CREB5: variants seen among roughly 807,000 people sequenced by gnomAD.
The protein encoded by CREB5 is cAMP responsive element binding protein 5, also known as cyclic AMP-responsive element-binding protein 5.
A neutral mutation model predicts 57.1 loss-of-function variants in CREB5; 19 were observed. The ratio of observed to expected loss-of-function variants is 0.33; its 90% confidence interval spans 0.23 to 0.49. The LOEUF (loss-of-function observed/expected upper bound fraction) is 0.49. Among genes scored for constraint, CREB5 ranks in the 20% least tolerant of loss-of-function variants. The pLI is 0.99. For synonymous variants in CREB5, 238 were observed against 238.3 expected (o/e 1.00, Z 0.01); for missense variants, 579 against 671.6 (o/e 0.86, Z 1.52).
chr7:28,356,221 C>T (rs1312840381), intron 1 of CREB5, among the ~76,000 whole-genome samples: 1 of 152,170 alleles, frequency 6.6e-6, no homozygotes, highest in Non-Finnish European at 1.5e-5. Context: ...TTCTACTCTC[C>T]GACAAAGTGA....
At position 28,769,775 on chromosome 7, in the gene CREB5, C is replaced by G. The variant is rs573109161; in HGVS notation, c.703-34424C>G. ...ACAGCCATTTTTTATTTCAATAGGA[C>G]AATCCAGGAAGCTGGAAATCGAGAT... On this transcript the variant is annotated intron_variant, in intron 7 of 10. Coordinates refer to ENST00000357727, the MANE Select transcript of CREB5 (RefSeq NM_182898.4). Among the ~76,000 whole-genome samples, 4 of 152,226 alleles carry G rather than the reference C, an allele frequency of 2.6e-5. No individual in the cohort carries two copies. The East Asian group carries it at 7.7e-4, about 29-fold the overall frequency.
chr7:28,413,013 A>C, intron 1 of CREB5, 96 bp downstream of exon 1: 3 of 1,180,850 alleles, frequency 2.5e-6, no homozygotes, highest in Non-Finnish European at 3.4e-6. Flanking sequence ...GGAATTCAGA[A>C]ATGGAGTTTA....
intron 7 of CREB5, among the ~76,000 whole-genome samples, chr7:28,768,134 G>A (rs1191362747): frequency 6.6e-6 from 1 of 152,160 alleles, no homozygotes; most frequent in African/African-American, 2.4e-5. Flanking sequence ...AGTTGGGGTG[G>A]GGAGGCAGAG....
At chr7:28,818,839 A>G (rs10951205) in intron 10 of CREB5, 453,044 of 542,608 alleles carry the variant, frequency 0.83, 192,427 homozygotes, top group African/African-American at 0.95. Context: ...AAAAAGACAA[A>G]ATGGGGAAGT....
At chr7:28,536,126 C>T (rs537571216) in intron 4 of CREB5, among the ~76,000 whole-genome samples, 262 of 152,256 alleles carry the variant, frequency 1.7e-3, no homozygotes, top group African/African-American at 6.1e-3. Context: ...ACGCTGTCTG[C>T]CTATGTCTGC....
At chr7:28,317,204 A>G (rs1017192243) in intron 1 of CREB5, among the ~76,000 whole-genome samples, 1 of 152,098 alleles carries the variant, frequency 6.6e-6, no homozygotes, top group Non-Finnish European at 1.5e-5. Context: ...GTAAACTGAC[A>G]TCTCACACAG....
chr7:28,591,415 G>A (rs1382404991), intron 5 of CREB5, among the ~76,000 whole-genome samples: 1 of 152,072 alleles, frequency 6.6e-6, no homozygotes, highest in East Asian at 1.9e-4. Flanking sequence ...GTGTTTTATG[G>A]TGGTTTGCTT....
chr7:28,452,340 AATC>A (rs1207972019), intron 1 of CREB5, among the ~76,000 whole-genome samples: 1 of 152,200 alleles, frequency 6.6e-6, no homozygotes. Context: ...TTTTATAGTA[AATC>A]ATTACAATTT....
At chr7:28,560,909 C>CGCGCGCGTGT (rs1562797737) in intron 4 of CREB5, among the ~76,000 whole-genome samples, 1 of 32,656 alleles carries the variant, frequency 3.1e-5, no homozygotes, top group Non-Finnish European at 5.6e-5. Flanking sequence ...TGCGCGCGTG[C>CGCGCGCGTGT]GTGTGCGTGT....
chr7:28,726,460 T>C (rs1803343332), intron 7 of CREB5, among the ~76,000 whole-genome samples: 1 of 152,140 alleles, frequency 6.6e-6, no homozygotes, highest in Non-Finnish European at 1.5e-5. Flanking sequence ...ATACTAACCA[T>C]ATAGTATTTT....
chr7:28,757,904 G>A (rs1805427152), intron 7 of CREB5, among the ~76,000 whole-genome samples: 1 of 152,120 alleles, frequency 6.6e-6, no homozygotes, highest in African/African-American at 2.4e-5. Context: ...TGCTCAAAAT[G>A]TTTCAGATGT....
At chr7:28,558,952 C>T (rs908139427) in intron 4 of CREB5, among the ~76,000 whole-genome samples, 7 of 152,092 alleles carry the variant, frequency 4.6e-5, no homozygotes, top group Non-Finnish European at 7.4e-5. Context: ...CCTCTTGCAC[C>T]GCCAGACTAG....
At chr7:28,760,946 A>C (rs1177104340) in intron 7 of CREB5, among the ~76,000 whole-genome samples, 2 of 152,218 alleles carry the variant, frequency 1.3e-5, no homozygotes, top group African/African-American at 2.4e-5. Context: ...AATATTTCCA[A>C]GTAGTAGGAG....
At chr7:28,812,977 G>T (rs913149257) in intron 9 of CREB5, among the ~76,000 whole-genome samples, 1 of 152,128 alleles carries the variant, frequency 6.6e-6, no homozygotes, top group African/African-American at 2.4e-5. Flanking sequence ...GGAAAAACCA[G>T]ACCTAAGAAA....
intron 1 of CREB5, among the ~76,000 whole-genome samples, chr7:28,415,212 G>A (rs979277557): frequency 6.6e-5 from 10 of 152,094 alleles, no homozygotes; most frequent in Non-Finnish European, 1.3e-4. Flanking sequence ...AGATTCTGAT[G>A]GTGAGTTACA....
At chr7:28,691,754 A>G (rs1205655781) in intron 5 of CREB5, among the ~76,000 whole-genome samples, 1 of 152,160 alleles carries the variant, frequency 6.6e-6, no homozygotes, top group East Asian at 1.9e-4. Flanking sequence ...TTTACTTAGT[A>G]AGCATTGGTC....
At chr7:28,332,342 C>A (rs917329249) in intron 1 of CREB5, among the ~76,000 whole-genome samples, 3 of 152,200 alleles carry the variant, frequency 2.0e-5, no homozygotes, top group Non-Finnish European at 4.4e-5. Context: ...TTTGTTATGG[C>A]AGCTTTAGGA....
At chr7:28,570,695 G>A (rs1281850257) in intron 5 of CREB5, among the ~76,000 whole-genome samples, 158 bp downstream of exon 5, 1 of 152,154 alleles carries the variant, frequency 6.6e-6, no homozygotes, top group Non-Finnish European at 1.5e-5. Flanking sequence ...GAAGGGAGGA[G>A]TCTCTGCTTG....
Position 28,622,593 on chromosome 7 carries a change from C to A in CREB5, c.464+52056C>A, listed in dbSNP as rs546297679. Among the ~76,000 whole-genome samples, 12 of 152,264 alleles carry A rather than the reference C, an allele frequency of 7.9e-5. No homozygotes were observed. The South Asian group carries it at 2.3e-3, about 29-fold the overall frequency. On this transcript the variant is annotated intron_variant, in intron 5 of 10. Transcript: ENST00000357727. ...CTTTATATGCTTTATCTTGTTTAAT[C>A]CTTACATCAACCTCTTGAGGTACAG... is the stretch of plus-strand genomic sequence containing the variant.
Sources: allele counts gnomAD v4.1 joint callset (sites outside exome capture counted in the v4.1 genomes callset), GRCh38; gene constraint gnomAD v4.1.1; transcripts MANE v1.5; gene names NCBI Gene and HGNC (gene_info 2026-07-23, HGNC 2026-07-21).